Variants in LDLRAD4 observed in about 807,000 individuals in gnomAD.
The protein encoded by LDLRAD4 is low-density lipoprotein receptor class A domain-containing protein 4.
Under a neutral mutation model 17.0 loss-of-function variants are expected in LDLRAD4, and 5 were observed. That is an observed-to-expected ratio of 0.29 (90% CI 0.15 to 0.62). The LOEUF is 0.62. Ranked by LOEUF, LDLRAD4 falls within the 20% of genes least tolerant of loss-of-function variation. The pLI is 0.84. For missense variants in LDLRAD4, 340 were observed against 424.7 expected, an observed-to-expected ratio of 0.80 and a Z score of 1.75; for synonymous variants, 168 against 171.8, an observed-to-expected ratio of 0.98 and a Z score of 0.17.
upstream of LDLRAD4, among the ~76,000 whole-genome samples, chr18:13,274,075 G>A (rs774868572): frequency 6.6e-6 from 1 of 152,190 alleles, no homozygotes; most frequent in African/African-American, 2.4e-5. Flanking sequence ...TCTCCTCAGC[G>A]AGCGGCTGTG....
At chr18:13,532,796 G>A (rs2094147968) in intron 3 of LDLRAD4, among the ~76,000 whole-genome samples, 1 of 152,224 alleles carries the variant, frequency 6.6e-6, no homozygotes, top group South Asian at 2.1e-4. Flanking sequence ...CAGGGTGGAA[G>A]CCTTCTTTGC....
intron 1 of LDLRAD4, among the ~76,000 whole-genome samples, chr18:13,263,058 G>GGCA (rs1352121402): frequency 1.4e-5 from 2 of 139,620 alleles, no homozygotes; most frequent in African/African-American, 5.5e-5. Context: ...AGTCCCGTGC[G>GGCA]GCTCTGTGTG....
rs921143266 is a variant in LDLRAD4 at position 13,367,774 on chromosome 18, G to A, written c.-382-19567G>A. On this transcript the variant is annotated intron_variant, in intron 1 of 5. Coordinates refer to ENST00000359446, the Ensembl canonical transcript of LDLRAD4. This position sits in a 1 kb window ranked among gnomAD's most constrained non-coding sequence, Gnocchi z 4.1. ...ACTGTCAAGGTGTTTGCTGAGAGGGGACAGCGGGGCCTGGGGGCACGTGCT... is the reference window on the plus strand; with the variant it reads ...ACTGTCAAGGTGTTTGCTGAGAGGGAACAGCGGGGCCTGGGGGCACGTGCT... 1.3e-5 allele frequency among the ~76,000 whole-genome samples: 2 copies of A among 151,974 alleles called. No homozygotes were observed. The highest frequency in any genetic ancestry group is 2.4e-5 in the African/African-American group (1 of 41,362).
chr18:13,254,890 G>C (rs2043419881), intron 1 of LDLRAD4, among the ~76,000 whole-genome samples: 1 of 152,206 alleles, frequency 6.6e-6, no homozygotes, highest in African/African-American at 2.4e-5. Flanking sequence ...CTTGAGCCCA[G>C]GAGGCAGAGG....
At chr18:13,416,251 C>T (rs1393879809) in intron 2 of LDLRAD4, among the ~76,000 whole-genome samples, 2 of 152,198 alleles carry the variant, frequency 1.3e-5, no homozygotes, top group African/African-American at 4.8e-5. Flanking sequence ...ATGCGAATGC[C>T]CACGATTCTG....
intron 5 of LDLRAD4, 121 bp downstream of exon 6, chr18:13,643,533 T>C: frequency 2.0e-6 from 1 of 488,602 alleles, no homozygotes; most frequent in South Asian, 6.4e-5. Flanking sequence ...CTGACACTTT[T>C]GGAGGAAGGC....
chr18:13,492,978 G>C (rs2093389884), intron 3 of LDLRAD4, among the ~76,000 whole-genome samples: 1 of 152,178 alleles, frequency 6.6e-6, no homozygotes, highest in African/African-American at 2.4e-5. Context: ...CAGTAGCTGG[G>C]CATGGTTGTG....
At chr18:13,366,810 G>T (rs1256414708) in intron 1 of LDLRAD4, among the ~76,000 whole-genome samples, 2 of 152,156 alleles carry the variant, frequency 1.3e-5, no homozygotes, top group African/African-American at 4.8e-5. Flanking sequence ...GGGTGCTGAC[G>T]GTTCATGAGG....
chr18:13,559,531 T>C (rs1219978928), intron 3 of LDLRAD4, among the ~76,000 whole-genome samples: 1 of 152,270 alleles, frequency 6.6e-6, no homozygotes, highest in Admixed American at 6.5e-5. Context: ...GTATCATATA[T>C]ATGTGTATGT....
At chr18:13,517,673 G>A (rs1052514857) in intron 3 of LDLRAD4, among the ~76,000 whole-genome samples, 12 of 152,198 alleles carry the variant, frequency 7.9e-5, no homozygotes, top group Admixed American at 7.9e-4. Context: ...AGAATATTTC[G>A]CTCTAGCTAC....
In LDLRAD4 at chr18:13,398,393, G is replaced by GA. The variant is rs57328280; in HGVS notation, c.40+10637dup. On this transcript the variant is annotated intron_variant, in intron 2 of 5. Coordinates refer to ENST00000359446, the Ensembl canonical transcript of LDLRAD4. This position sits in a 1 kb window ranked among gnomAD's most constrained non-coding sequence, Gnocchi z 4.8. The stretch of plus-strand genomic sequence containing the variant: ...TGTGAGAGTGCAAACCTGAAAATGG[G>GA]AAAAAATGGGGCATTTTATGTTACG... Among the ~76,000 whole-genome samples, 24,153 of 151,604 alleles carry GA rather than the reference G, an allele frequency of 0.16. 2,063 individuals carry two copies. Among genetic ancestry groups the GA allele is most frequent in the East Asian group, 0.25 (1,304 of 5,154 alleles).
rs142972990 is a variant in LDLRAD4, at chr18:13,404,573, G to A, written c.40+16811G>A. On this transcript the variant is annotated intron_variant, in intron 2 of 5. Coordinates refer to ENST00000359446, the Ensembl canonical transcript of LDLRAD4. Reference sequence around the variant, plus strand: ...AGCACCTTGGGAGGCCGAGACGGGCGGATCACGAGGTCAGGAGATCGAGAC... The same window carrying A: ...AGCACCTTGGGAGGCCGAGACGGGCAGATCACGAGGTCAGGAGATCGAGAC... Among the ~76,000 whole-genome samples the A allele has an allele frequency of 1.8e-3, 273 of 152,214 alleles. 4 individuals carry two copies. Among genetic ancestry groups the A allele is most frequent in the African/African-American group, 6.4e-3 (266 of 41,538 alleles).
chr18:13,376,458 G>A (rs908022646), intron 1 of LDLRAD4, among the ~76,000 whole-genome samples: 2 of 152,190 alleles, frequency 1.3e-5, no homozygotes, highest in Non-Finnish European at 2.9e-5. Flanking sequence ...TCTTGCCAGC[G>A]GCATCCTGTG....
intron 1 of LDLRAD4, among the ~76,000 whole-genome samples, chr18:13,279,211 G>C (rs1702331596): frequency 6.6e-6 from 1 of 152,212 alleles, no homozygotes; most frequent in Admixed American, 6.5e-5. Flanking sequence ...ACGCCTTGTG[G>C]ATGTTCAGTG....
At chr18:13,323,048 A>G (rs979294776) in intron 1 of LDLRAD4, among the ~76,000 whole-genome samples, 3 of 152,234 alleles carry the variant, frequency 2.0e-5, no homozygotes, top group Admixed American at 1.3e-4. Flanking sequence ...TGGTAGCAGC[A>G]TCTCTCTGGA....
intron 3 of LDLRAD4, among the ~76,000 whole-genome samples, chr18:13,592,242 T>C (rs1258719619): frequency 3.9e-5 from 6 of 152,206 alleles, no homozygotes; most frequent in Non-Finnish European, 8.8e-5. Context: ...TGACCCACAG[T>C]GAGAAATGCA....
chr18:13,247,652 G>C (rs1269275771), intron 1 of LDLRAD4, among the ~76,000 whole-genome samples: 2 of 152,108 alleles, frequency 1.3e-5, no homozygotes, highest in African/African-American at 2.4e-5. Context: ...GAGGGGCCCA[G>C]CCCTGGCAGC....
rs1443438604 is a variant in LDLRAD4 at position 13,432,449 on chromosome 18, A to C, written c.41-5795A>C. ...TAGGATAGCCTCCTCCTTGCTGAAC[A>C]GCACCCTTTAATAAAAAGAGTGACA... On this transcript the variant is annotated intron_variant, in intron 2 of 5. Coordinates refer to ENST00000359446, the Ensembl canonical transcript of LDLRAD4. Among the ~76,000 whole-genome samples, 5 of 152,326 alleles carry C rather than the reference A, an allele frequency of 3.3e-5. No homozygotes were observed. In the East Asian group the frequency reaches 9.7e-4, roughly 29 times the overall value.
intron 1 of LDLRAD4, among the ~76,000 whole-genome samples, chr18:13,372,856 G>A (rs1008473736): frequency 2.2e-4 from 34 of 152,334 alleles, no homozygotes; most frequent in African/African-American, 6.7e-4. Context: ...CTGTCTTCTC[G>A]GCAGAGCAGA....
Sources: allele counts gnomAD v4.1 joint callset (sites outside exome capture counted in the v4.1 genomes callset), GRCh38; gene constraint gnomAD v4.1.1; non-coding constraint Gnocchi (gnomAD v3.1); transcripts MANE v1.5; gene names NCBI Gene and HGNC (gene_info 2026-07-23, HGNC 2026-07-21).